Variants in CHM observed in about 807,000 individuals in gnomAD.
CHM encodes the protein CHM Rab escort protein, also known as rab proteins geranylgeranyltransferase component A 1.
A neutral mutation model predicts 49.0 loss-of-function variants in CHM; 10 were observed. The ratio of observed to expected loss-of-function variants is 0.20; its 90% CI spans 0.13 to 0.35. The LOEUF (loss-of-function observed/expected upper bound fraction) is 0.35. Among genes scored for constraint, CHM ranks in the 10% least tolerant of loss-of-function variants. The pLI is 1.00. For missense variants in CHM, 455 were observed against 478.4 expected, an observed-to-expected ratio of 0.95 and a Z score of 0.46; for synonymous variants, 184 against 167.5, an observed-to-expected ratio of 1.10 and a Z score of -0.76.
At chrX:85,930,579 T>C (rs753428729) in intron 8 of CHM, among the ~76,000 whole-genome samples, 1 of 112,291 alleles carries the variant, frequency 8.9e-6, no homozygotes, top group African/African-American at 3.2e-5. Flanking sequence ...TATAAACATA[T>C]ATACTGTTTT....
intron 14 of CHM, among the ~76,000 whole-genome samples, chrX:85,870,118 C>G (rs1923955743): frequency 9.0e-6 from 1 of 111,326 alleles, no homozygotes; most frequent in Admixed American, 9.5e-5. Context: ...TATGGGGCCT[C>G]TGGACAAGTT....
chrX:85,912,446 G>A (rs1163747205), intron 8 of CHM, among the ~76,000 whole-genome samples: 3 of 111,379 alleles, frequency 2.7e-5, no homozygotes, highest in South Asian at 7.7e-4. Flanking sequence ...AATGATATTC[G>A]GATGGTATAA....
At chrX:85,869,961 A>G (rs1349470232) in intron 14 of CHM, among the ~76,000 whole-genome samples, 1 of 112,410 alleles carries the variant, frequency 8.9e-6, no homozygotes, top group East Asian at 2.8e-4. Flanking sequence ...CACAAACAAA[A>G]TTAAACATTT....
intron 12 of CHM, among the ~76,000 whole-genome samples, chrX:85,883,582 T>C (rs2148131214): frequency 9.0e-6 from 1 of 111,454 alleles, no homozygotes; most frequent in South Asian, 3.7e-4. Flanking sequence ...TTAGTTTACA[T>C]ATAATAAAAT....
chrX:85,971,360 G>A (rs973052490), intron 4 of CHM: 26 of 246,991 alleles, frequency 1.1e-4, no homozygotes, highest in Non-Finnish European at 1.4e-4. Context: ...TCTGGAGTTT[G>A]TTCCTTCTGA....
intron 8 of CHM, among the ~76,000 whole-genome samples, chrX:85,944,689 A>C: frequency 8.9e-6 from 1 of 112,334 alleles, no homozygotes; most frequent in Admixed American, 9.5e-5. Context: ...GTGGGTATGT[A>C]AATTAGCTCA....
chrX:85,870,910 A>G (rs911812730), intron 14 of CHM, among the ~76,000 whole-genome samples: 3 of 111,316 alleles, frequency 2.7e-5, no homozygotes, highest in African/African-American at 9.8e-5. Context: ...GTTCCCTATG[A>G]AAACAAGAGT....
chrX:85,969,614 T>C lies in CHM; in HGVS notation c.315-5562A>G, dbSNP rs373890211. 2.0e-3 allele frequency: 252 copies of C among 123,085 alleles called. 1 individual carries two copies. Among genetic ancestry groups the C allele is most frequent in the Middle Eastern group, 0.014 (3 of 219 alleles). The allele number at this position is 123,085 out of a possible 1,213,427, so 10.1% of individuals were successfully genotyped here. Reference sequence around the variant, plus strand: ...ATCTTCACCCTCACTACTGGGTATATAGCCAAAGGAAATGAAATCAGTAGG... The same window carrying C: ...ATCTTCACCCTCACTACTGGGTATACAGCCAAAGGAAATGAAATCAGTAGG... On this transcript the variant is annotated intron_variant, in intron 4 of 14. Transcript: ENST00000357749.
At chrX:85,925,018 T>C (rs907575899) in intron 8 of CHM, among the ~76,000 whole-genome samples, 7 of 111,819 alleles carry the variant, frequency 6.3e-5, no homozygotes, top group African/African-American at 2.3e-4. Context: ...AAATTTAACC[T>C]TCTATAGGAC....
chrX:85,939,749 T>C (rs1393418959), intron 8 of CHM, among the ~76,000 whole-genome samples: 1 of 112,447 alleles, frequency 8.9e-6, no homozygotes, highest in Non-Finnish European at 1.9e-5. Flanking sequence ...TGCTCATCAA[T>C]GGCTACTCAG....
At chrX:86,046,131 C>G (rs1323510142) in intron 1 of CHM, among the ~76,000 whole-genome samples, 2 of 112,250 alleles carry the variant, frequency 1.8e-5, no homozygotes, top group African/African-American at 6.5e-5. Context: ...AACTGAGGCT[C>G]AGAGAGATTT....
intron 2 of CHM, among the ~76,000 whole-genome samples, chrX:85,999,439 G>A (rs774719581): frequency 9.0e-6 from 1 of 110,583 alleles, no homozygotes; most frequent in Non-Finnish European, 1.9e-5. Context: ...TATATATGAA[G>A]GTAGTATATA....
chrX:85,990,141 T>TG (rs1932113355), intron 2 of CHM, among the ~76,000 whole-genome samples: 2 of 112,364 alleles, frequency 1.8e-5, no homozygotes, highest in African/African-American at 6.5e-5. Flanking sequence ...ATATACACCA[T>TG]GGAATACTAT....
intron 8 of CHM, 98 bp downstream of exon 8, chrX:85,956,055 A>G (rs562393580): frequency 7.3e-6 from 5 of 683,773 alleles, no homozygotes; most frequent in Non-Finnish European, 9.2e-6. Flanking sequence ...ATTTGCATAT[A>G]CTAAATCTTG....
chrX:85,939,629 A>G (rs1286595423), intron 8 of CHM, among the ~76,000 whole-genome samples: 1 of 112,588 alleles, frequency 8.9e-6, no homozygotes, highest in Admixed American at 9.4e-5. Context: ...GAAGGTGTGG[A>G]ATGGTGCTTC....
chrX:85,890,704 T>C (rs1925388007), intron 12 of CHM, among the ~76,000 whole-genome samples: 2 of 111,954 alleles, frequency 1.8e-5, no homozygotes, highest in Non-Finnish European at 3.8e-5. Flanking sequence ...GTTTCGGGTA[T>C]GTCTTTATCA....
At chrX:85,914,803 G>A (rs1927351110) in intron 8 of CHM, among the ~76,000 whole-genome samples, 1 of 110,960 alleles carries the variant, frequency 9.0e-6, no homozygotes. Flanking sequence ...GGCAGCCCCT[G>A]TTGAAGAATT....
At chrX:85,921,997 CAT>C (rs1165548338) in intron 8 of CHM, among the ~76,000 whole-genome samples, 6 of 111,872 alleles carry the variant, frequency 5.4e-5, no homozygotes, top group Non-Finnish European at 7.5e-5. Context: ...TATTTACACA[CAT>C]GTGCATTTAC....
At chrX:85,876,172 T>C (rs1924400416) in intron 13 of CHM, among the ~76,000 whole-genome samples, 1 of 111,502 alleles carries the variant, frequency 9.0e-6, no homozygotes, top group Non-Finnish European at 1.9e-5. Context: ...TACTATGAGA[T>C]ACTACTTCAC....
Sources: allele counts gnomAD v4.1 joint callset (sites outside exome capture counted in the v4.1 genomes callset), GRCh38; gene constraint gnomAD v4.1.1; transcripts MANE v1.5; gene names NCBI Gene and HGNC (gene_info 2026-07-23, HGNC 2026-07-21).